The following PDZRN3 variants were observed in gnomAD, a reference collection of about 807,000 sequenced individuals.
PDZRN3 encodes the protein PDZ domain containing ring finger 3, also known as E3 ubiquitin-protein ligase PDZRN3.
PDZRN3 carries 38 observed loss-of-function variants against 85.7 expected under a neutral mutation model. The observed-to-expected ratio is 0.44, with a 90% CI of 0.34 to 0.58. The LOEUF (loss-of-function observed/expected upper bound fraction) is 0.58. Ranked by LOEUF, PDZRN3 falls within the 20% of genes least tolerant of loss-of-function variation. The probability of loss-of-function intolerance (pLI) is 0.01; values close to 1 mark genes in which losing one functional copy is unlikely to be tolerated. For missense variants in PDZRN3, 1,629 were observed against 1,506.4 expected, an observed-to-expected ratio of 1.08 and a Z score of -1.35; for synonymous variants, 759 against 638.0, an observed-to-expected ratio of 1.19 and a Z score of -2.86.
chr3:73,486,754 G>A (rs766939244), intron 3 of PDZRN3, among the ~76,000 whole-genome samples: 4 of 152,304 alleles, frequency 2.6e-5, no homozygotes, highest in Middle Eastern at 6.8e-3. Context: ...TTTGTTTTGT[G>A]ATTATTTGCA....
chr3:73,608,571 A>C (rs1482648978), intron 2 of PDZRN3, 27 bp downstream of exon 2: 1 of 1,507,700 alleles, frequency 6.6e-7, no homozygotes, highest in Non-Finnish European at 9.2e-7. Context: ...CAGGAAAAGG[A>C]AAAACACATT....
intron 3 of PDZRN3, among the ~76,000 whole-genome samples, chr3:73,593,618 C>A: frequency 6.6e-6 from 1 of 152,048 alleles, no homozygotes; most frequent in East Asian, 1.9e-4. Context: ...AAAGGAAATA[C>A]ATAAGCAGGT....
intron 3 of PDZRN3, among the ~76,000 whole-genome samples, chr3:73,576,069 A>G (rs1225581075): frequency 2.0e-5 from 3 of 152,052 alleles, no homozygotes; most frequent in Non-Finnish European, 4.4e-5. Flanking sequence ...GGGAGTCATT[A>G]TATGTCCTTT....
intron 3 of PDZRN3, among the ~76,000 whole-genome samples, chr3:73,601,048 C>G (rs1385260181): frequency 1.3e-5 from 2 of 152,146 alleles, no homozygotes; most frequent in East Asian, 3.9e-4. Flanking sequence ...GTTAGCACAT[C>G]ACACTCCCTC....
At position 73,383,494 on chromosome 3, in the gene PDZRN3, C is replaced by T. The variant is rs767607482; in HGVS notation, c.3072G>A (p.Lys1024=). The T allele has an allele frequency of 1.9e-6, 3 of 1,614,036 alleles. No homozygotes were observed. Among genetic ancestry groups the T allele is most frequent in the African/African-American group, 1.3e-5 (1 of 74,936 alleles). Residue 1024 remains lysine (K), a synonymous_variant, in exon 10 of 10, where the codon AAG becomes AAA. Coordinates refer to ENST00000263666, the MANE Select transcript of PDZRN3 (RefSeq NM_015009.3). The stretch of plus-strand genomic sequence containing the variant: ...TTTTCTTATTCCTCTTCTTCATCAT[C>T]TTTTTGTGGCTCAGTTCGAGAATGT... The part of the protein sequence containing the change: ...EMNILELSHK[K]MMKKRNKKIF...
At chr3:73,478,065 C>G (rs904178185) in intron 3 of PDZRN3, among the ~76,000 whole-genome samples, 5 of 152,148 alleles carry the variant, frequency 3.3e-5, no homozygotes, top group Admixed American at 3.3e-4. Context: ...GGTGGGGACA[C>G]AGCCAAATGA....
intron 3 of PDZRN3, among the ~76,000 whole-genome samples, chr3:73,457,539 C>T (rs1703010588): frequency 6.6e-6 from 1 of 152,098 alleles, no homozygotes; most frequent in Non-Finnish European, 1.5e-5. Context: ...GCGTGCTGTT[C>T]CATGTGCCCC....
At chr3:73,550,945 T>C (rs1030865673) in intron 3 of PDZRN3, among the ~76,000 whole-genome samples, 3 of 152,228 alleles carry the variant, frequency 2.0e-5, no homozygotes, top group Admixed American at 2.0e-4. Flanking sequence ...TAAATGTTTA[T>C]AATGAGAGTT....
Position 73,509,357 on chromosome 3 carries a change from C to A in PDZRN3, c.918+92997G>T, listed in dbSNP as rs147296790. The stretch of plus-strand genomic sequence containing the variant: ...GGACCCAGGAGGACGCAGACCCATG[C>A]GGTCTCAGCCCTTTAGGTGCAGAAA... On this transcript the variant is annotated intron_variant, in intron 3 of 9. Coordinates refer to ENST00000263666, the MANE Select transcript of PDZRN3 (RefSeq NM_015009.3). Among the ~76,000 whole-genome samples the A allele has an allele frequency of 9.1e-3, 1,384 of 152,320 alleles. 74 individuals are homozygous for A. Among genetic ancestry groups the A allele is most frequent in the Admixed American group, 0.084 (1,291 of 15,306 alleles).
At chr3:73,404,080 T>A in intron 4 of PDZRN3, 68 bp downstream of exon 4, 1 of 1,489,546 alleles carries the variant, frequency 6.7e-7, no homozygotes, top group Non-Finnish European at 9.1e-7. Flanking sequence ...TTTCACCACA[T>A]AGAAGAGAAA....
chr3:73,467,893 G>A (rs1703252519), intron 3 of PDZRN3, among the ~76,000 whole-genome samples: 1 of 152,134 alleles, frequency 6.6e-6, no homozygotes, highest in South Asian at 2.1e-4. Context: ...AGGTGCCTGG[G>A]GTAGTCAAAT....
At chr3:73,493,884 C>T (rs572344754) in intron 3 of PDZRN3, among the ~76,000 whole-genome samples, 12 of 152,248 alleles carry the variant, frequency 7.9e-5, no homozygotes, top group South Asian at 2.1e-4. Flanking sequence ...TCAATCTTGG[C>T]GGTGCTAGGG....
At chr3:73,414,916 A>C (rs892071021) in intron 3 of PDZRN3, among the ~76,000 whole-genome samples, 3 of 152,244 alleles carry the variant, frequency 2.0e-5, no homozygotes, top group African/African-American at 4.8e-5. Context: ...TGCAGGAATC[A>C]TCTTTTGCTT....
At chr3:73,540,448 T>C (rs984260912) in intron 3 of PDZRN3, among the ~76,000 whole-genome samples, 1 of 152,166 alleles carries the variant, frequency 6.6e-6, no homozygotes, top group African/African-American at 2.4e-5. Context: ...TTTGGCTGTG[T>C]CCCCACCCAA....
At chr3:73,512,246 G>A (rs770837346) in intron 3 of PDZRN3, among the ~76,000 whole-genome samples, 2 of 152,222 alleles carry the variant, frequency 1.3e-5, no homozygotes, top group Non-Finnish European at 2.9e-5. Flanking sequence ...GCAGCGAACC[G>A]TTCCAAATTC....
At chr3:73,411,607 TA>T (rs1281217893) in intron 3 of PDZRN3, among the ~76,000 whole-genome samples, 2 of 148,888 alleles carry the variant, frequency 1.3e-5, no homozygotes, top group African/African-American at 5.2e-5. Flanking sequence ...GAGTCCACCA[TA>T]GTGGCAGCAG....
At chr3:73,526,799 T>G (rs1704535527) in intron 3 of PDZRN3, among the ~76,000 whole-genome samples, 1 of 152,150 alleles carries the variant, frequency 6.6e-6, no homozygotes, top group African/African-American at 2.4e-5. Flanking sequence ...GCAAGTTTCC[T>G]GGCTCAGCCT....
intron 3 of PDZRN3, among the ~76,000 whole-genome samples, chr3:73,572,559 C>T (rs566539631): frequency 1.8e-4 from 27 of 152,302 alleles, no homozygotes; most frequent in Non-Finnish European, 3.5e-4. Flanking sequence ...TCCCATAAAT[C>T]ACACTGTACA....
In PDZRN3 at chr3:73,475,454, T is replaced by TC. The variant is rs147204662; in HGVS notation, c.919-71060dup. ...GCAGTCAATTTCAAATTCACAGGGT[T>TC]CCCCCCCCAACTCTGAACCCATTAT... On this transcript the variant is annotated intron_variant, in intron 3 of 9. Coordinates refer to ENST00000263666, the MANE Select transcript of PDZRN3 (RefSeq NM_015009.3). Among the ~76,000 whole-genome samples the TC allele has an allele frequency of 4.4e-4, 66 of 151,582 alleles. 1 individual carries two copies. In the East Asian group the frequency reaches 6.0e-3, roughly 14 times the overall value.
Sources: allele counts gnomAD v4.1 joint callset (sites outside exome capture counted in the v4.1 genomes callset), GRCh38; gene constraint gnomAD v4.1.1; transcripts MANE v1.5; gene names NCBI Gene and HGNC (gene_info 2026-07-23, HGNC 2026-07-21).